Variants in COL25A1 observed in about 807,000 individuals in gnomAD.
COL25A1 encodes collagen alpha-1(XXV) chain.
A neutral mutation model predicts 128.4 loss-of-function variants in COL25A1; 103 were observed. The observed-to-expected ratio is 0.80, with a 90% CI of 0.68 to 0.94. COL25A1 has a LOEUF of 0.94. Among genes scored for constraint, COL25A1 ranks in the 40% least tolerant of loss-of-function variants. COL25A1 has a pLI of 0.00. For missense variants in COL25A1, 745 were observed against 840.0 expected (o/e 0.89, Z 1.40); for synonymous variants, 279 against 277.2 (o/e 1.01, Z -0.06).
intron 18 of COL25A1, among the ~76,000 whole-genome samples, chr4:108,885,042 T>C (rs1740618771): frequency 6.6e-6 from 1 of 152,156 alleles, no homozygotes; most frequent in African/African-American, 2.4e-5. Context: ...AAAATGAAAG[T>C]CCTCTCTGTT....
At chr4:108,966,308 A>G (rs1751289187) in intron 8 of COL25A1, among the ~76,000 whole-genome samples, 1 of 152,142 alleles carries the variant, frequency 6.6e-6, no homozygotes, top group Non-Finnish European at 1.5e-5. Flanking sequence ...AACTGAGTCT[A>G]TCATAATTAC....
intron 3 of COL25A1, among the ~76,000 whole-genome samples, chr4:109,100,433 C>T (rs1430411870): frequency 2.0e-5 from 3 of 148,700 alleles, no homozygotes; most frequent in Non-Finnish European, 4.5e-5. Flanking sequence ...AAAAAAAAGA[C>T]TGGAAACATA....
At chr4:108,992,706 G>A (rs923650001) in intron 6 of COL25A1, among the ~76,000 whole-genome samples, 9 of 152,176 alleles carry the variant, frequency 5.9e-5, no homozygotes, top group African/African-American at 1.7e-4. Flanking sequence ...CCATGTGGAC[G>A]CAAGTTATTG....
intron 5 of COL25A1, among the ~76,000 whole-genome samples, chr4:109,016,950 C>A (rs1724453): frequency 0.51 from 77,186 of 152,072 alleles, 22,276 homozygotes; most frequent in African/African-American, 0.78. Context: ...GAGCTTAAAC[C>A]CCTGCCCCTC....
At chr4:109,061,216 G>C (rs1039560025) in intron 3 of COL25A1, among the ~76,000 whole-genome samples, 2 of 152,104 alleles carry the variant, frequency 1.3e-5, no homozygotes, top group Non-Finnish European at 2.9e-5. Context: ...ACATAATAGA[G>C]GAGTGACAAT....
At chr4:109,019,019 T>C (rs1382030159) in intron 5 of COL25A1, among the ~76,000 whole-genome samples, 1 of 152,130 alleles carries the variant, frequency 6.6e-6, no homozygotes, top group East Asian at 1.9e-4. Flanking sequence ...GGATACAAAG[T>C]ATTTATCCTG....
chr4:109,040,163 C>T (rs1759747897), intron 5 of COL25A1, among the ~76,000 whole-genome samples: 1 of 152,008 alleles, frequency 6.6e-6, no homozygotes, highest in Admixed American at 6.6e-5. Context: ...TTAATTCCAC[C>T]AAAACAGAAA....
intron 3 of COL25A1, among the ~76,000 whole-genome samples, chr4:109,233,003 T>C (rs1779252637): frequency 6.6e-6 from 1 of 152,186 alleles, no homozygotes; most frequent in Admixed American, 6.6e-5. Context: ...AAAGAGGAAG[T>C]CCAAAATGAT....
Position 109,206,293 on chromosome 4 carries a change from C to G in COL25A1, c.367+94290G>C, listed in dbSNP as rs376701740. On this transcript the variant is annotated intron_variant, in intron 3 of 37. Transcript: ENST00000399132. ...AAAAACACTATAAAACATAAACATT[C>G]TGTGGCTCTCAGGTTTCCCCAGCAC... is the stretch of plus-strand genomic sequence containing the variant. 9.2e-5 allele frequency among the ~76,000 whole-genome samples: 14 copies of G among 152,232 alleles called. No individual in the cohort carries two copies. The East Asian group carries it at 2.7e-3, about 29-fold the overall frequency.
chr4:109,126,556 AG>A (rs1768636981), intron 3 of COL25A1, among the ~76,000 whole-genome samples: 1 of 152,224 alleles, frequency 6.6e-6, no homozygotes, highest in Non-Finnish European at 1.5e-5. Context: ...AAGTTATAAC[AG>A]CTCTTCTTAT....
chr4:109,008,914 A>G (rs554670568), intron 6 of COL25A1, among the ~76,000 whole-genome samples: 2 of 152,048 alleles, frequency 1.3e-5, no homozygotes, highest in Non-Finnish European at 2.9e-5. Flanking sequence ...TCAGGAGTGG[A>G]GTTCAAGACC....
intron 6 of COL25A1, among the ~76,000 whole-genome samples, chr4:109,009,244 C>T (rs907830980): frequency 2.0e-5 from 3 of 152,126 alleles, no homozygotes; most frequent in Non-Finnish European, 2.9e-5. Flanking sequence ...AACTTTCTTC[C>T]GTGGGTTTTA....
intron 31 of COL25A1, among the ~76,000 whole-genome samples, chr4:108,840,242 C>CAAAA (rs34039825): frequency 5.2e-5 from 5 of 95,334 alleles, no homozygotes; most frequent in African/African-American, 2.1e-4. Context: ...AACGCCATCT[C>CAAAA]AAAAAAAAAA....
intron 8 of COL25A1, among the ~76,000 whole-genome samples, chr4:108,947,675 A>C (rs1748938807): frequency 6.6e-6 from 1 of 152,008 alleles, no homozygotes; most frequent in Non-Finnish European, 1.5e-5. Flanking sequence ...CAGGCAAATG[A>C]CTCAAAATGA....
At chr4:108,841,204 A>G (rs1042811044) in intron 31 of COL25A1, among the ~76,000 whole-genome samples, 6 of 152,330 alleles carry the variant, frequency 3.9e-5, no homozygotes, top group African/African-American at 1.4e-4. Context: ...TCTTCTTCCC[A>G]GTATAGCACA....
intron 3 of COL25A1, among the ~76,000 whole-genome samples, chr4:109,073,920 T>C (rs1207651160): frequency 6.6e-6 from 1 of 152,220 alleles, no homozygotes. Flanking sequence ...CAATGTCCTT[T>C]TGCCCAGACT....
intron 3 of COL25A1, among the ~76,000 whole-genome samples, chr4:109,122,550 CAAAG>C (rs1480442158): frequency 1.3e-5 from 2 of 151,944 alleles, no homozygotes; most frequent in African/African-American, 4.8e-5. Flanking sequence ...AAGATGCCCA[CAAAG>C]AAAGTGCTAT....
chr4:109,092,835 A>T (rs1440975272), intron 3 of COL25A1, among the ~76,000 whole-genome samples: 1 of 152,138 alleles, frequency 6.6e-6, no homozygotes, highest in African/African-American at 2.4e-5. Context: ...GCATGAGAAG[A>T]TCCAGCTTGA....
intron 6 of COL25A1, among the ~76,000 whole-genome samples, chr4:108,990,694 G>A (rs1754150766): frequency 6.6e-6 from 1 of 152,102 alleles, no homozygotes; most frequent in East Asian, 1.9e-4. Flanking sequence ...ATATATGTGG[G>A]TGTTTACATG....
Sources: gnomAD v4.1 joint callset for allele counts (sites outside exome capture counted in the v4.1 genomes callset) on GRCh38, gnomAD v4.1.1 for gene constraint, MANE v1.5 for transcripts, NCBI Gene and HGNC (gene_info 2026-07-23, HGNC 2026-07-21) for gene names.